Variants in DIAPH3 observed in about 807,000 individuals in gnomAD.
DIAPH3 encodes diaphanous related formin 3, also known as protein diaphanous homolog 3.
A neutral mutation model predicts 144.3 loss-of-function variants in DIAPH3; 117 were observed. The ratio of observed to expected loss-of-function variants is 0.81; its 90% CI spans 0.70 to 0.95. The LOEUF (loss-of-function observed/expected upper bound fraction) is 0.95, where lower values mean the gene tolerates loss of function less well. Ranked by LOEUF, DIAPH3 falls within the 40% of genes least tolerant of loss-of-function variation. The probability of loss-of-function intolerance (pLI) is 0.00; values close to 1 mark genes in which losing one functional copy is unlikely to be tolerated. For synonymous variants in DIAPH3, 519 were observed against 488.9 expected (o/e 1.06, Z -0.81); for missense variants, 1,421 against 1,412.7 (o/e 1.01, Z -0.09).
chr13:60,010,393 A>T (rs2053162145), intron 8 of DIAPH3, 140 bp downstream of exon 8: 1 of 837,658 alleles, frequency 1.2e-6, no homozygotes, highest in Non-Finnish European at 1.7e-6. Context: ...CCAATAAGAA[A>T]CTATATTAGC....
intron 17 of DIAPH3, among the ~76,000 whole-genome samples, chr13:59,928,459 T>A (rs1424221641): frequency 1.3e-5 from 2 of 152,166 alleles, no homozygotes; most frequent in Admixed American, 6.5e-5. Context: ...TTTTTCAGAT[T>A]TTTTTGTGTG....
chr13:60,162,439 G>A (rs1594811507), intron 1 of DIAPH3, among the ~76,000 whole-genome samples: 1 of 152,274 alleles, frequency 6.6e-6, no homozygotes, highest in East Asian at 1.9e-4. Flanking sequence ...CTTTCATTGG[G>A]AAGTTAACTC....
At chr13:59,816,276 C>T (rs2040768839) in intron 24 of DIAPH3, among the ~76,000 whole-genome samples, 1 of 151,944 alleles carries the variant, frequency 6.6e-6, no homozygotes, top group South Asian at 2.1e-4. Flanking sequence ...TGAAAAACTT[C>T]TAGGCCAAGT....
At chr13:59,685,190 A>G (rs1158466999) in intron 27 of DIAPH3, among the ~76,000 whole-genome samples, 1 of 152,036 alleles carries the variant, frequency 6.6e-6, no homozygotes, top group Non-Finnish European at 1.5e-5. Context: ...AATATTTCAC[A>G]TTTTCTTAAA....
At chr13:59,856,257 A>T (rs2139891310) in intron 22 of DIAPH3, among the ~76,000 whole-genome samples, 1 of 152,328 alleles carries the variant, frequency 6.6e-6, no homozygotes, top group African/African-American at 2.4e-5. Context: ...TAAAGTGAAA[A>T]ACCATTCAGT....
intron 5 of DIAPH3, among the ~76,000 whole-genome samples, chr13:60,032,023 C>T (rs1007331740): frequency 6.6e-6 from 1 of 152,066 alleles, no homozygotes; most frequent in African/African-American, 2.4e-5. Context: ...CCGCACCTGG[C>T]CTGCAGTCAT....
Position 60,004,479 on chromosome 13 carries a change from C to T in DIAPH3, c.1014+4065G>A, listed in dbSNP as rs147756707. 3.7e-3 allele frequency among the ~76,000 whole-genome samples: 568 copies of T among 152,212 alleles called. 2 individuals are homozygous for T. Among genetic ancestry groups the T allele is most frequent in the African/African-American group, 0.012 (500 of 41,554 alleles). ...GCACTATAGAAAATGGTATCTTTTA[C>T]TCTGAAGCCTGCTACCTGCTAGCTA... On this transcript the variant is annotated intron_variant, in intron 9 of 27. Coordinates refer to ENST00000400324, the MANE Select transcript of DIAPH3 (RefSeq NM_001042517.2).
chr13:59,954,201 GCA>G (rs2049256251), intron 17 of DIAPH3, among the ~76,000 whole-genome samples: 1 of 152,154 alleles, frequency 6.6e-6, no homozygotes, highest in African/African-American at 2.4e-5. Context: ...TTCTAATAAT[GCA>G]ACCTTGACAG....
intron 25 of DIAPH3, among the ~76,000 whole-genome samples, chr13:59,791,752 C>T (rs1201664412): frequency 6.6e-6 from 1 of 152,140 alleles, no homozygotes; most frequent in Non-Finnish European, 1.5e-5. Context: ...TCCCCAAATT[C>T]GACGGGAGCT....
chr13:59,799,768 A>T (rs1286589166), intron 25 of DIAPH3, among the ~76,000 whole-genome samples: 1 of 152,152 alleles, frequency 6.6e-6, no homozygotes, highest in East Asian at 1.9e-4. Flanking sequence ...TGTAAAAGAT[A>T]TTTTTTTGAA....
intron 24 of DIAPH3, among the ~76,000 whole-genome samples, chr13:59,827,986 T>C: frequency 6.6e-6 from 1 of 152,058 alleles, no homozygotes; most frequent in African/African-American, 2.4e-5. Context: ...GATTGGTTAA[T>C]AGCATGCAGT....
At chr13:59,862,483 T>C (rs992996325) in intron 21 of DIAPH3, among the ~76,000 whole-genome samples, 1 of 151,858 alleles carries the variant, frequency 6.6e-6, no homozygotes, top group Non-Finnish European at 1.5e-5. Context: ...AAGAGGGCAG[T>C]CTGAATGGAG....
intron 25 of DIAPH3, among the ~76,000 whole-genome samples, chr13:59,776,424 T>C (rs867769534): frequency 2.0e-5 from 3 of 152,096 alleles, no homozygotes; most frequent in Non-Finnish European, 4.4e-5. Context: ...TATTTGAAAA[T>C]TTATTTTCAA....
intron 27 of DIAPH3, among the ~76,000 whole-genome samples, chr13:59,700,144 C>T (rs1022697659): frequency 6.6e-6 from 1 of 152,146 alleles, no homozygotes; most frequent in East Asian, 1.9e-4. Flanking sequence ...CACCATTTTC[C>T]CATTTAGCCC....
chr13:60,163,443 C>A, intron 1 of DIAPH3, 144 bp downstream of exon 1: 6 of 1,165,478 alleles, frequency 5.1e-6, no homozygotes, highest in Non-Finnish European at 5.9e-6. Context: ...TACAACTAGA[C>A]CCGGTCGTTG....
chr13:59,780,486 T>C (rs140581758), intron 25 of DIAPH3, among the ~76,000 whole-genome samples: 8 of 152,348 alleles, frequency 5.3e-5, no homozygotes, highest in East Asian at 3.9e-4. Flanking sequence ...CTATAATTTA[T>C]ATTAAAAATA....
At chr13:59,743,641 C>T (rs371491817) in intron 27 of DIAPH3, among the ~76,000 whole-genome samples, 3 of 152,226 alleles carry the variant, frequency 2.0e-5, no homozygotes, top group African/African-American at 7.2e-5. Context: ...TCTAATGGCC[C>T]TTCACAGATC....
chr13:59,980,477 C>T (rs148575824), intron 14 of DIAPH3, among the ~76,000 whole-genome samples: 1,760 of 151,504 alleles, frequency 0.012, 17 homozygotes, highest in Middle Eastern at 0.02. Context: ...GTGAATAAAA[C>T]AAACAAAATG....
chr13:60,050,820 C>T (rs1339597154), intron 4 of DIAPH3, among the ~76,000 whole-genome samples: 3 of 27,100 alleles, frequency 1.1e-4, no homozygotes, highest in East Asian at 4.9e-4. Context: ...ACAGAAACAA[C>T]GTGAAACAAG....
Sources: gnomAD v4.1 joint callset for allele counts (sites outside exome capture counted in the v4.1 genomes callset) on GRCh38, gnomAD v4.1.1 for gene constraint, MANE v1.5 for transcripts, NCBI Gene and HGNC (gene_info 2026-07-23, HGNC 2026-07-21) for gene names.